The following EXTL2 variants were observed in gnomAD, a reference collection of about 807,000 sequenced individuals.
EXTL2 encodes exostosin like glycosyltransferase 2.
EXTL2 carries 23 observed loss-of-function variants against 30.7 expected under a neutral mutation model. That is an observed-to-expected ratio of 0.75 (90% CI 0.54 to 1.06). The LOEUF (loss-of-function observed/expected upper bound fraction) is 1.06, where lower values mean the gene tolerates loss of function less well. Ranked by LOEUF, EXTL2 falls within the 50% of genes least tolerant of loss-of-function variation. The pLI is 0.00. For synonymous variants in EXTL2, 123 were observed against 133.8 expected (o/e 0.92, Z 0.56); for missense variants, 352 against 396.3 (o/e 0.89, Z 0.95).
chr1:100,872,790 C>T lies in EXTL2; in HGVS notation c.*1152G>A, dbSNP rs1427578839. ...GCCTTAGTGGTGAACAAGGACTAAA[C>T]ACAGACAATGGGTGAAACACAGACG... On this transcript the variant is annotated 3_prime_UTR_variant, in exon 5 of 5. Coordinates refer to ENST00000370114, the MANE Select transcript of EXTL2 (RefSeq NM_001033025.3). 3.9e-5 allele frequency: 6 copies of T among 152,074 alleles called. No individual in the cohort carries two copies. Among genetic ancestry groups the T allele is most frequent in the Non-Finnish European group, 8.8e-5 (6 of 67,962 alleles). The allele number at this position is 152,074 out of a possible 1,614,324, so 9.4% of individuals were successfully genotyped here.
chr1:100,878,448 C>G (rs1372877298), intron 2 of EXTL2: 1 of 470,986 alleles, frequency 2.1e-6, no homozygotes, highest in Non-Finnish European at 4.4e-6. Context: ...GTTCCAGGTT[C>G]TGTGGATACA....
Position 100,877,989 on chromosome 1 carries a change from A to G in EXTL2, c.6-86T>C. On this transcript the variant is annotated intron_variant, in intron 2 of 4. Transcript: ENST00000370114. This position sits in a 1 kb window ranked among gnomAD's most constrained non-coding sequence, Gnocchi z 4.1. Reference sequence around the variant, plus strand: ...ATGTTTTTTTCCAATGAGGAAAGATATCAATCTTATTTTAGTTGATTCAAA... The same window carrying G: ...ATGTTTTTTTCCAATGAGGAAAGATGTCAATCTTATTTTAGTTGATTCAAA... 1 of 1,005,556 alleles carries G rather than the reference A, an allele frequency of 9.9e-7. No homozygotes were observed. Among genetic ancestry groups the G allele is most frequent in the East Asian group, 2.5e-5 (1 of 39,770 alleles). 62.3% of individuals were successfully genotyped at this position (1,005,556 alleles called of 1,614,324 possible). A position where few individuals can be genotyped will look rare whatever the true frequency, so the allele number is the denominator to read the frequency against.
intron 2 of EXTL2, among the ~76,000 whole-genome samples, chr1:100,880,352 C>A (rs1210084597): frequency 1.3e-5 from 2 of 152,090 alleles, no homozygotes; most frequent in Admixed American, 6.6e-5. Flanking sequence ...TTAGAGTAAG[C>A]TTTTGAGAGT....
At chr1:100,879,047 C>T (rs1004750246) in intron 2 of EXTL2, among the ~76,000 whole-genome samples, 1 of 152,142 alleles carries the variant, frequency 6.6e-6, no homozygotes, top group Admixed American at 6.5e-5. Context: ...TACAGTCTAG[C>T]TATCCACTGT....
chr1:100,892,850 G>C (rs1650543613), intron 1 of EXTL2, among the ~76,000 whole-genome samples: 1 of 152,294 alleles, frequency 6.6e-6, no homozygotes, highest in African/African-American at 2.4e-5. Context: ...GCAGTTCCCA[G>C]GGCGCTCAAT....
chr1:100,878,222 T>C (rs1483038243), intron 2 of EXTL2, among the ~76,000 whole-genome samples: 2 of 152,146 alleles, frequency 1.3e-5, no homozygotes, highest in African/African-American at 4.8e-5. Flanking sequence ...TCAACTGGGA[T>C]TTTATTTCCC....
chr1:100,885,233 T>C (rs1361645827), intron 2 of EXTL2, among the ~76,000 whole-genome samples: 2 of 152,186 alleles, frequency 1.3e-5, no homozygotes, highest in Admixed American at 1.3e-4. Flanking sequence ...TTTCACATCT[T>C]TTCAAAGATA....
rs956887713 is a variant in EXTL2, at chr1:100,877,150, G to C, written c.434-286C>G. ...AAGCCAAGATTCTTTTAAGCAAATTGCAACCTCATGAAACTGTCAGGAATG... is the reference window on the plus strand; with the variant it reads ...AAGCCAAGATTCTTTTAAGCAAATTCCAACCTCATGAAACTGTCAGGAATG... On this transcript the variant is annotated intron_variant, in intron 3 of 4. Coordinates refer to ENST00000370114, the MANE Select transcript of EXTL2 (RefSeq NM_001033025.3). This position sits in a 1 kb window ranked among gnomAD's most constrained non-coding sequence, Gnocchi z 4.1. 2.6e-5 allele frequency among the ~76,000 whole-genome samples: 4 copies of C among 152,028 alleles called. No homozygotes were observed. Among genetic ancestry groups the C allele is most frequent in the Admixed American group, 2.6e-4 (4 of 15,242 alleles).
chr1:100,881,582 CA>C (rs1408491512), intron 2 of EXTL2, among the ~76,000 whole-genome samples: 1 of 152,086 alleles, frequency 6.6e-6, no homozygotes, highest in Non-Finnish European at 1.5e-5. Flanking sequence ...TGCCTCATTC[CA>C]AAAAGGATCT....
intron 1 of EXTL2, among the ~76,000 whole-genome samples, chr1:100,891,963 T>C (rs866381786): frequency 6.6e-6 from 1 of 152,236 alleles, no homozygotes; most frequent in African/African-American, 2.4e-5. Flanking sequence ...AGGTCTGATA[T>C]CTTTCACTGT....
Position 100,894,746 on chromosome 1 carries a change from G to A in EXTL2, c.-185C>T, listed in dbSNP as rs1401496709. On this transcript the variant is annotated 5_prime_UTR_variant, in exon 1 of 5. Coordinates refer to ENST00000370114, the MANE Select transcript of EXTL2 (RefSeq NM_001033025.3). ...ATTTTTGTTTTTTTTTCTAAACCAA[G>A]TAGCGTGCATCTATCCTTCTCCATT... The A allele has an allele frequency of 1.3e-5, 2 of 152,132 alleles. No individual in the cohort carries two copies. Among genetic ancestry groups the A allele is most frequent in the Middle Eastern group, 3.4e-3 (1 of 294 alleles). The allele number at this position is 152,132 out of a possible 1,614,324, so 9.4% of individuals were successfully genotyped here.
chr1:100,891,227 AT>A (rs1286347664), intron 1 of EXTL2, among the ~76,000 whole-genome samples: 1 of 152,176 alleles, frequency 6.6e-6, no homozygotes, highest in African/African-American at 2.4e-5. Context: ...ATGTAATGGC[AT>A]TTAGGTTAAG....
chr1:100,884,619 A>G (rs1164126495), intron 2 of EXTL2, among the ~76,000 whole-genome samples: 1 of 152,012 alleles, frequency 6.6e-6, no homozygotes, highest in Non-Finnish European at 1.5e-5. Flanking sequence ...CCGATCCACG[A>G]CTCCATGTAT....
At position 100,877,860 on chromosome 1, in the gene EXTL2, G is replaced by A. The variant is rs1649252840; in HGVS notation, c.49C>T (p.Arg17Ter). 3.8e-6 allele frequency: 6 copies of A among 1,599,554 alleles called. No homozygotes were observed. The highest frequency in any genetic ancestry group is 1.7e-5 in the Admixed American group (1 of 59,844). The change falls in exon 3 of 5, where the codon CGA becomes TGA. Residue 17 changes from arginine to a stop codon, truncating the protein, a stop_gained. Coordinates refer to ENST00000370114, the MANE Select transcript of EXTL2 (RefSeq NM_001033025.3). LOFTEE classifies it high-confidence loss of function. The surrounding 1 kb of genome is among the most constrained non-coding windows in gnomAD (Gnocchi z 4.1). ...CKLPGRVMGI[R>*]VLRLSLVVIL... Reference sequence around the variant, plus strand: ...ACCACCAAAGATAATCGAAGCACTCGAATCCCCATTACTCTCCCAGGAAGT... The same window carrying A: ...ACCACCAAAGATAATCGAAGCACTCAAATCCCCATTACTCTCCCAGGAAGT...
intron 4 of EXTL2, among the ~76,000 whole-genome samples, chr1:100,875,260 C>T (rs1649021385): frequency 6.7e-6 from 1 of 149,356 alleles, no homozygotes; most frequent in East Asian, 2.0e-4. Context: ...CACACACACA[C>T]GAGGCTGAGT....
chr1:100,887,711 T>G (rs1270745703), intron 2 of EXTL2, among the ~76,000 whole-genome samples: 2 of 152,056 alleles, frequency 1.3e-5, no homozygotes, highest in East Asian at 3.8e-4. Flanking sequence ...TTTCTTTTTT[T>G]CTTTTTTTTT....
chr1:100,875,624 C>T (rs1302675489), intron 4 of EXTL2, among the ~76,000 whole-genome samples: 1 of 152,076 alleles, frequency 6.6e-6, no homozygotes, highest in Non-Finnish European at 1.5e-5. Context: ...CTTGCTTATA[C>T]ACAAACCTCA....
chr1:100,873,653 A>G lies in EXTL2; in HGVS notation c.*289T>C. The G allele has an allele frequency of 4.3e-6, 1 of 231,154 alleles. No homozygotes were observed. The highest frequency in any genetic ancestry group is 8.4e-6 in the Non-Finnish European group (1 of 119,120). The allele number at this position is 231,154 out of a possible 1,614,324, so 14.3% of individuals were successfully genotyped here. A position where few individuals can be genotyped will look rare whatever the true frequency, so the allele number is the denominator to read the frequency against. ...ATAGGTCCTTAAGGCAAATGCCAGG[A>G]GTCAAAGAAACTGTAGAACAGTCTC... On this transcript the variant is annotated 3_prime_UTR_variant, in exon 5 of 5. Transcript: ENST00000370114.
chr1:100,875,228 G>C (rs1649010044), intron 4 of EXTL2, among the ~76,000 whole-genome samples: 1 of 76,200 alleles, frequency 1.3e-5, no homozygotes. Context: ...TGCAGAACTA[G>C]GGACACACAC....
Sources: allele counts gnomAD v4.1 joint callset (sites outside exome capture counted in the v4.1 genomes callset), GRCh38; gene constraint gnomAD v4.1.1; non-coding constraint Gnocchi (gnomAD v3.1); transcripts MANE v1.5; gene names NCBI Gene and HGNC (gene_info 2026-07-23, HGNC 2026-07-21).